Variants in NT5M observed in about 807,000 individuals in gnomAD.
NT5M encodes the protein 5'(3')-deoxyribonucleotidase, mitochondrial.
NT5M carries 22 observed loss-of-function variants against 22.2 expected under a neutral mutation model. The ratio of observed to expected loss-of-function variants is 0.99; its 90% CI spans 0.71 to 1.41. NT5M has a LOEUF of 1.41. Ranked by LOEUF, NT5M falls within the 40% of genes most tolerant of loss-of-function variation. NT5M has a pLI of 0.00. For missense variants in NT5M, 322 were observed against 314.8 expected, an observed-to-expected ratio of 1.02 and a Z score of -0.17; for synonymous variants, 167 against 133.0, an observed-to-expected ratio of 1.26 and a Z score of -1.76.
intron 2 of NT5M, 27 bp downstream of exon 2, chr17:17,306,670 T>C: frequency 6.6e-7 from 1 of 1,509,826 alleles, no homozygotes; most frequent in Non-Finnish European, 9.2e-7. Context: ...AGCCACTCAG[T>C]AAGTTTGTCT....
intron 3 of NT5M, among the ~76,000 whole-genome samples, chr17:17,326,100 G>A (rs745566363): frequency 4.6e-5 from 7 of 152,192 alleles, no homozygotes; most frequent in Non-Finnish European, 7.3e-5. Flanking sequence ...CCAACAGAGA[G>A]TTATTAAACA....
At chr17:17,340,803 T>C (rs1413267901) in intron 3 of NT5M, among the ~76,000 whole-genome samples, 1 of 152,082 alleles carries the variant, frequency 6.6e-6, no homozygotes, top group East Asian at 1.9e-4. Flanking sequence ...GGGATTACAG[T>C]GTGAGCCACC....
At chr17:17,318,588 C>A (rs1246086292) in intron 2 of NT5M, among the ~76,000 whole-genome samples, 1 of 149,920 alleles carries the variant, frequency 6.7e-6, no homozygotes, top group Non-Finnish European at 1.5e-5. Flanking sequence ...GAGTTTGAGA[C>A]CAGCCTTACC....
intron 2 of NT5M, among the ~76,000 whole-genome samples, chr17:17,314,749 G>A (rs2048989156): frequency 6.6e-6 from 1 of 152,118 alleles, no homozygotes; most frequent in Admixed American, 6.6e-5. Context: ...ACGTGTTTCT[G>A]GTCTTAGGAC....
At chr17:17,313,617 T>G (rs2048964417) in intron 2 of NT5M, among the ~76,000 whole-genome samples, 1 of 152,222 alleles carries the variant, frequency 6.6e-6, no homozygotes, top group Admixed American at 6.5e-5. Context: ...TGCTGCATGC[T>G]CAGCCTCATC....
chr17:17,324,400 C>T (rs2049221433), intron 3 of NT5M, among the ~76,000 whole-genome samples: 1 of 151,354 alleles, frequency 6.6e-6, no homozygotes, highest in Non-Finnish European at 1.5e-5. Flanking sequence ...ATGAGAATTG[C>T]TTGAACCTGG....
chr17:17,315,372 G>A (rs948053185), intron 2 of NT5M, among the ~76,000 whole-genome samples: 6 of 152,164 alleles, frequency 3.9e-5, no homozygotes, highest in Non-Finnish European at 8.8e-5. Flanking sequence ...TCTCACAGCA[G>A]GGAAGATGAC....
intron 3 of NT5M, among the ~76,000 whole-genome samples, chr17:17,334,253 C>T (rs1251823998): frequency 2.0e-5 from 3 of 151,908 alleles, no homozygotes; most frequent in African/African-American, 7.3e-5. Context: ...AAGCGTGAGC[C>T]ACCATGCCTG....
chr17:17,311,567 A>C (rs2048923668), intron 2 of NT5M, among the ~76,000 whole-genome samples: 1 of 152,198 alleles, frequency 6.6e-6, no homozygotes, highest in African/African-American at 2.4e-5. Context: ...TTATTTCTAG[A>C]CTTAGATAAC....
chr17:17,328,385 G>T lies in NT5M; in HGVS notation c.429+5140G>T, dbSNP rs148920746. Among the ~76,000 whole-genome samples, 500 of 152,248 alleles carry T rather than the reference G, an allele frequency of 3.3e-3. 3 individuals carry two copies. Among genetic ancestry groups the T allele is most frequent in the African/African-American group, 0.011 (443 of 41,530 alleles). On this transcript the variant is annotated intron_variant, in intron 3 of 4. Coordinates refer to ENST00000389022, the MANE Select transcript of NT5M (RefSeq NM_020201.4). ...CTTTAACCCTAGAACTAAGACAAGG[G>T]GAGAAGTGCGGGTGAGAAGTGAGTA...
At chr17:17,341,948 T>C (rs1176074098) in intron 3 of NT5M, among the ~76,000 whole-genome samples, 3 of 152,120 alleles carry the variant, frequency 2.0e-5, no homozygotes, top group African/African-American at 7.2e-5. Context: ...GGAGAATCAC[T>C]TGAACCTGGG....
intron 1 of NT5M, among the ~76,000 whole-genome samples, chr17:17,305,063 A>G (rs192196316): frequency 3.9e-5 from 6 of 152,256 alleles, no homozygotes; most frequent in Non-Finnish European, 7.4e-5. Context: ...AATAGGCTCC[A>G]GTGTGTGGCG....
At chr17:17,322,694 C>CAGGGT (rs2049175278) in intron 2 of NT5M, among the ~76,000 whole-genome samples, 1 of 152,112 alleles carries the variant, frequency 6.6e-6, no homozygotes, top group Admixed American at 6.5e-5. Flanking sequence ...GGCATGAGGG[C>CAGGGT]GCAGGCACCT....
intron 3 of NT5M, among the ~76,000 whole-genome samples, chr17:17,332,203 A>G (rs1246623102): frequency 2.0e-5 from 3 of 152,070 alleles, no homozygotes; most frequent in Non-Finnish European, 2.9e-5. Context: ...GTCCCTTCCA[A>G]CATTTTGCCT....
At chr17:17,343,305 G>A (rs1274340348) in intron 3 of NT5M, among the ~76,000 whole-genome samples, 3 of 152,158 alleles carry the variant, frequency 2.0e-5, no homozygotes, top group Non-Finnish European at 4.4e-5. Flanking sequence ...TCCAGTCAGA[G>A]GAAATGGCAC....
intron 1 of NT5M, among the ~76,000 whole-genome samples, chr17:17,306,113 G>A (rs1202669391): frequency 2.6e-5 from 4 of 152,016 alleles, no homozygotes; most frequent in Admixed American, 6.6e-5. Context: ...CCTCCCCCTT[G>A]TCCCTCATGG....
chr17:17,309,499 T>G (rs2048879283), intron 2 of NT5M, among the ~76,000 whole-genome samples: 1 of 152,212 alleles, frequency 6.6e-6, no homozygotes, highest in African/African-American at 2.4e-5. Flanking sequence ...CAAACTATTT[T>G]CCAAAGCAAT....
At chr17:17,317,300 C>T (rs1414959700) in intron 2 of NT5M, among the ~76,000 whole-genome samples, 2 of 152,082 alleles carry the variant, frequency 1.3e-5, no homozygotes, top group African/African-American at 2.4e-5. Context: ...CTGCCCACCT[C>T]GGCCTCCCAA....
At chr17:17,313,484 C>T (rs112899954) in intron 2 of NT5M, among the ~76,000 whole-genome samples, 1 of 152,110 alleles carries the variant, frequency 6.6e-6, no homozygotes, top group Non-Finnish European at 1.5e-5. Context: ...CGAAGGGACT[C>T]GTCAGTAACT....
Sources: allele counts gnomAD v4.1 joint callset (sites outside exome capture counted in the v4.1 genomes callset), GRCh38; gene constraint gnomAD v4.1.1; transcripts MANE v1.5; gene names NCBI Gene and HGNC (gene_info 2026-07-23, HGNC 2026-07-21).